The following RSRC1 variants were observed in gnomAD, a reference collection of about 807,000 sequenced individuals.
The protein encoded by RSRC1 is arginine and serine rich coiled-coil 1, also known as serine/Arginine-related protein 53.
A neutral mutation model predicts 49.1 loss-of-function variants in RSRC1; 39 were observed. The observed-to-expected ratio is 0.79, with a 90% CI of 0.61 to 1.04. The LOEUF (loss-of-function observed/expected upper bound fraction) is 1.04, where lower values mean the gene tolerates loss of function less well. RSRC1 is among the 50% of genes least tolerant of loss of function. RSRC1 has a pLI of 0.00. For synonymous variants in RSRC1, 143 were observed against 130.8 expected (o/e 1.09, Z -0.63); for missense variants, 388 against 402.4 (o/e 0.96, Z 0.31).
At chr3:158,176,049 C>G (rs925165651) in intron 3 of RSRC1, among the ~76,000 whole-genome samples, 1 of 152,136 alleles carries the variant, frequency 6.6e-6, no homozygotes, top group Admixed American at 6.6e-5. Context: ...CGTCCATTCA[C>G]TATTGCTACA....
At chr3:158,188,818 AT>A (rs1476809526) in intron 3 of RSRC1, among the ~76,000 whole-genome samples, 1 of 151,616 alleles carries the variant, frequency 6.6e-6, no homozygotes, top group Non-Finnish European at 1.5e-5. Flanking sequence ...CTTTTGTTTC[AT>A]TATTTTTTGC....
chr3:158,112,835 C>T (rs1254718056), intron 1 of RSRC1, among the ~76,000 whole-genome samples: 3 of 143,848 alleles, frequency 2.1e-5, no homozygotes, highest in African/African-American at 8.9e-5. Context: ...TGTGTTGTTC[C>T]CCTCCCAGGT....
At position 158,203,251 on chromosome 3, in the gene RSRC1, T is replaced by C. The variant is rs765650653; in HGVS notation, c.494+6T>C. 3 of 1,568,002 alleles carry C rather than the reference T, an allele frequency of 1.9e-6. No homozygotes were observed. The highest frequency in any genetic ancestry group is 1.2e-5 in the South Asian group (1 of 85,424). On this transcript the variant is annotated splice_donor_region_variant and intron_variant, in intron 4 of 9. Transcript: ENST00000611884. Reference sequence around the variant, plus strand: ...TTACATAACATCAAACGTGGGTAAGTTGGAGCAAATCTTATCTGGTAAGGA... The same window carrying C: ...TTACATAACATCAAACGTGGGTAAGCTGGAGCAAATCTTATCTGGTAAGGA...
chr3:158,232,451 A>G (rs2107972919), intron 4 of RSRC1, among the ~76,000 whole-genome samples: 1 of 152,262 alleles, frequency 6.6e-6, no homozygotes, highest in Middle Eastern at 3.4e-3. Flanking sequence ...AGGTGGGGAT[A>G]GTCACCACCA....
rs35111609 is a variant in RSRC1 at position 158,154,468 on chromosome 3, CT to C, written c.320+30491del. Among the ~76,000 whole-genome samples the C allele has an allele frequency of 5.9e-3, 861 of 145,168 alleles. 5 individuals carry two copies. The highest frequency in any genetic ancestry group is 0.018 in the African/African-American group (702 of 39,640). On this transcript the variant is annotated intron_variant, in intron 3 of 9. Coordinates refer to ENST00000611884, the MANE Select transcript of RSRC1 (RefSeq NM_001271838.2). ...GTCTAGTATTTTACCGATCATAGAA[CT>C]TTTTTTTTTTTTTGAGAGGGAGTCT...
intron 3 of RSRC1, among the ~76,000 whole-genome samples, chr3:158,134,550 A>G (rs969351267): frequency 2.6e-5 from 4 of 152,328 alleles, no homozygotes; most frequent in Non-Finnish European, 2.9e-5. Context: ...TAGCAAATGA[A>G]AGATGCCTGA....
chr3:158,248,319 T>G (rs901957626), intron 4 of RSRC1, among the ~76,000 whole-genome samples: 2 of 152,234 alleles, frequency 1.3e-5, no homozygotes, highest in African/African-American at 4.8e-5. Context: ...CTAGCTTTTT[T>G]CATTCAGCAT....
chr3:158,545,725 A>G lies in RSRC1; in HGVS notation c.*1450A>G, dbSNP rs1050045003. The G allele has an allele frequency of 1.3e-5, 2 of 152,224 alleles. No homozygotes were observed. The highest frequency in any genetic ancestry group is 4.8e-5 in the African/African-American group (2 of 41,448). 9.4% of individuals were successfully genotyped at this position (152,224 alleles called of 1,614,324 possible). A position where few individuals can be genotyped will look rare whatever the true frequency, so the allele number is the denominator to read the frequency against. On this transcript the variant is annotated 3_prime_UTR_variant, in exon 10 of 10. Transcript: ENST00000611884. ...CTTGGCTGTAAATAAAAGTGCCCCAAATGAACCGAGATTTGTGTGGTTTTT... is the reference window on the plus strand; with the variant it reads ...CTTGGCTGTAAATAAAAGTGCCCCAGATGAACCGAGATTTGTGTGGTTTTT...
intron 6 of RSRC1, among the ~76,000 whole-genome samples, chr3:158,414,100 T>C (rs1250160637): frequency 1.3e-5 from 2 of 152,174 alleles, no homozygotes; most frequent in African/African-American, 4.8e-5. Flanking sequence ...TACATGCACA[T>C]GTATGTTCAT....
chr3:158,116,866 A>G (rs541038386), intron 1 of RSRC1, among the ~76,000 whole-genome samples: 5 of 152,034 alleles, frequency 3.3e-5, no homozygotes, highest in African/African-American at 4.8e-5. Context: ...CTTATATGCT[A>G]TCAGTCTGGG....
At chr3:158,428,300 C>T (rs997338549) in intron 6 of RSRC1, among the ~76,000 whole-genome samples, 2 of 151,776 alleles carry the variant, frequency 1.3e-5, no homozygotes, top group South Asian at 2.1e-4. Flanking sequence ...TTGTTCAATA[C>T]GGTAAGAAAA....
chr3:158,142,715 C>T (rs1476866683), intron 3 of RSRC1, among the ~76,000 whole-genome samples: 2 of 152,066 alleles, frequency 1.3e-5, no homozygotes, highest in Admixed American at 6.6e-5. Context: ...GAGGACAGCA[C>T]CATGCCGTTC....
chr3:158,424,470 A>G (rs1452612013), intron 6 of RSRC1, among the ~76,000 whole-genome samples: 2 of 150,648 alleles, frequency 1.3e-5, no homozygotes, highest in East Asian at 3.9e-4. Context: ...GTGCTGCTGG[A>G]TTCGGTTTGC....
intron 3 of RSRC1, among the ~76,000 whole-genome samples, chr3:158,150,552 C>A (rs1361679840): frequency 6.6e-6 from 1 of 152,060 alleles, no homozygotes; most frequent in Non-Finnish European, 1.5e-5. Context: ...CCATTTCACA[C>A]AATATTTATT....
chr3:158,118,762 A>G (rs1218730691), intron 1 of RSRC1, among the ~76,000 whole-genome samples: 2 of 152,204 alleles, frequency 1.3e-5, no homozygotes. Context: ...GAAAAATGTT[A>G]TAAATACAGT....
At chr3:158,163,712 T>C (rs949460263) in intron 3 of RSRC1, among the ~76,000 whole-genome samples, 2 of 151,910 alleles carry the variant, frequency 1.3e-5, no homozygotes, top group African/African-American at 4.8e-5. Context: ...TAATTGATAA[T>C]TATGGCCAAA....
chr3:158,289,924 T>TATTC (rs1553780273), intron 4 of RSRC1, among the ~76,000 whole-genome samples: 18 of 149,786 alleles, frequency 1.2e-4, no homozygotes, highest in Admixed American at 1.3e-4. Context: ...TCTATCTTTC[T>TATTC]ATCCATCCAT....
intron 4 of RSRC1, among the ~76,000 whole-genome samples, chr3:158,283,611 T>C (rs1209775010): frequency 1.3e-5 from 2 of 152,218 alleles, no homozygotes; most frequent in Non-Finnish European, 2.9e-5. Context: ...TATTATATTT[T>C]ATTTGACAGT....
chr3:158,499,843 G>A (rs1739512839), intron 7 of RSRC1, among the ~76,000 whole-genome samples: 1 of 152,064 alleles, frequency 6.6e-6, no homozygotes, highest in Admixed American at 6.5e-5. Flanking sequence ...TTACCTATTT[G>A]GATGCCCTTT....
Sources: gnomAD v4.1 joint callset for allele counts (sites outside exome capture counted in the v4.1 genomes callset) on GRCh38, gnomAD v4.1.1 for gene constraint, MANE v1.5 for transcripts, NCBI Gene and HGNC (gene_info 2026-07-23, HGNC 2026-07-21) for gene names.